CEP128: variants seen among roughly 807,000 people sequenced by gnomAD.
CEP128 encodes centrosomal protein 128kDa.
A neutral mutation model predicts 156.7 loss-of-function variants in CEP128; 132 were observed. The observed-to-expected ratio is 0.84, with a 90% CI of 0.73 to 0.97. The LOEUF (loss-of-function observed/expected upper bound fraction) is 0.97. Ranked by LOEUF, CEP128 falls within the 50% of genes least tolerant of loss-of-function variation. The pLI, the probability that CEP128 is intolerant of heterozygous loss-of-function variation, is 0.00. For synonymous variants in CEP128, 469 were observed against 448.9 expected, an observed-to-expected ratio of 1.04 and a Z score of -0.57; for missense variants, 1,252 against 1,281.9, an observed-to-expected ratio of 0.98 and a Z score of 0.36.
At chr14:80,578,292 G>A (rs1269417681) in intron 20 of CEP128, among the ~76,000 whole-genome samples, 1 of 152,110 alleles carries the variant, frequency 6.6e-6, no homozygotes, top group Admixed American at 6.6e-5. Flanking sequence ...TGTTCAATGA[G>A]TAAATGGAGT....
intron 6 of CEP128, among the ~76,000 whole-genome samples, chr14:80,491,453 C>G (rs534996956): frequency 1.3e-5 from 2 of 152,254 alleles, no homozygotes; most frequent in South Asian, 4.2e-4. Flanking sequence ...CTAGGTTTCT[C>G]CAAACCTCTT....
intron 19 of CEP128, among the ~76,000 whole-genome samples, chr14:80,740,710 T>C (rs1192263190): frequency 2.6e-5 from 4 of 152,212 alleles, no homozygotes; most frequent in East Asian, 1.9e-4. Flanking sequence ...CTCTTACCTG[T>C]AGTACTTTCC....
intron 23 of CEP128, among the ~76,000 whole-genome samples, chr14:80,513,960 CT>C: frequency 6.6e-6 from 1 of 152,198 alleles, no homozygotes; most frequent in East Asian, 1.9e-4. Context: ...AGCCTAGCAC[CT>C]TTTAACGATC....
intron 19 of CEP128, among the ~76,000 whole-genome samples, chr14:80,593,954 CAG>C (rs1892202736): frequency 6.6e-6 from 1 of 152,204 alleles, no homozygotes; most frequent in Non-Finnish European, 1.5e-5. Context: ...ACTTTCTTCA[CAG>C]AGTTAGAAAA....
intron 19 of CEP128, among the ~76,000 whole-genome samples, chr14:80,668,712 G>C (rs1895724726): frequency 6.6e-6 from 1 of 152,156 alleles, no homozygotes; most frequent in Non-Finnish European, 1.5e-5. Flanking sequence ...GCCTGAAATA[G>C]AAGATGGGTG....
chr14:80,591,187 G>A (rs1892048242), intron 19 of CEP128, among the ~76,000 whole-genome samples: 1 of 152,066 alleles, frequency 6.6e-6, no homozygotes, highest in Non-Finnish European at 1.5e-5. Flanking sequence ...TGGGCTAAAT[G>A]TCCCAATTAA....
chr14:80,531,531 A>G (rs969701450), intron 21 of CEP128, among the ~76,000 whole-genome samples: 4 of 152,206 alleles, frequency 2.6e-5, no homozygotes, highest in Non-Finnish European at 5.9e-5. Flanking sequence ...AATTATTTCA[A>G]AGCAAACATA....
chr14:80,626,244 C>T (rs1311164153), intron 19 of CEP128, among the ~76,000 whole-genome samples: 2 of 150,578 alleles, frequency 1.3e-5, no homozygotes, highest in Non-Finnish European at 3.0e-5. Flanking sequence ...GCGGGTGGAT[C>T]ATGAGGTCAG....
chr14:80,567,458 T>C (rs1428166517), intron 20 of CEP128, among the ~76,000 whole-genome samples: 4 of 152,306 alleles, frequency 2.6e-5, no homozygotes, highest in Middle Eastern at 3.4e-3. Context: ...AAAATCCCTA[T>C]ACATACTTCT....
intron 1 of CEP128, among the ~76,000 whole-genome samples, chr14:80,940,193 A>G (rs1015943160): frequency 3.9e-5 from 6 of 152,234 alleles, no homozygotes; most frequent in Non-Finnish European, 7.3e-5. Flanking sequence ...ATTCTGAAAA[A>G]GTTAATCAAA....
intron 19 of CEP128, among the ~76,000 whole-genome samples, chr14:80,632,097 T>C (rs888599005): frequency 8.5e-5 from 13 of 152,092 alleles, no homozygotes; most frequent in African/African-American, 2.4e-4. Context: ...TAAAATTATA[T>C]ACCTGAAAAG....
At chr14:80,766,017 C>T (rs1044235082) in intron 16 of CEP128, among the ~76,000 whole-genome samples, 5 of 151,902 alleles carry the variant, frequency 3.3e-5, no homozygotes, top group East Asian at 1.9e-4. Context: ...CTGAATGAGC[C>T]TTATCATAAA....
At position 80,777,949 on chromosome 14, in the gene CEP128, TGG is replaced by T; in HGVS notation, c.2307_2308del (p.Gln770GlufsTer2). ...CAGTTTTTTGTTCTCATTTTCATTC[TGG>T]GTTAATTCCTCTGTCAGTCTGTCAC... is the stretch of plus-strand genomic sequence containing the variant. On this transcript the variant is annotated frameshift_variant, in exon 16 of 25. Coordinates refer to ENST00000555265, the MANE Select transcript of CEP128 (RefSeq NM_152446.5). LOFTEE classifies it high-confidence loss of function. 2 of 1,613,046 alleles carry T rather than the reference TGG, an allele frequency of 1.2e-6. No individual in the cohort carries two copies. The highest frequency in any genetic ancestry group is 1.7e-6 in the Non-Finnish European group (2 of 1,179,258).
At chr14:80,489,356 C>T (rs1015490854), downstream of CEP128, among the ~76,000 whole-genome samples, 6 of 150,082 alleles carry the variant, frequency 4.0e-5, no homozygotes, top group African/African-American at 4.9e-5. Flanking sequence ...AATTGCATTA[C>T]GAAAAGGATA....
At chr14:80,479,813 G>A (rs190684786) in intron 14 of CEP128, among the ~76,000 whole-genome samples, 5 of 152,254 alleles carry the variant, frequency 3.3e-5, no homozygotes, top group African/African-American at 9.6e-5. Context: ...CCCCTTACAC[G>A]TATGAGCCTG....
intron 19 of CEP128, among the ~76,000 whole-genome samples, chr14:80,636,825 A>C (rs1275877322): frequency 6.6e-6 from 1 of 152,098 alleles, no homozygotes; most frequent in Non-Finnish European, 1.5e-5. Flanking sequence ...GGTGGCTCAC[A>C]CCTGTAATCC....
At chr14:80,730,110 T>C (rs1464173473) in intron 19 of CEP128, among the ~76,000 whole-genome samples, 1 of 152,208 alleles carries the variant, frequency 6.6e-6, no homozygotes, top group Non-Finnish European at 1.5e-5. Context: ...CTTATTTCAA[T>C]ATGAGCTTAC....
chr14:80,818,985 T>C (rs1279169027), intron 13 of CEP128, among the ~76,000 whole-genome samples: 2 of 152,230 alleles, frequency 1.3e-5, no homozygotes, highest in Admixed American at 1.3e-4. Context: ...GAGTTCCCAC[T>C]GTCCTAATCC....
intron 8 of CEP128, among the ~76,000 whole-genome samples, chr14:80,885,016 C>A (rs1021946532): frequency 6.6e-6 from 1 of 152,274 alleles, no homozygotes; most frequent in Non-Finnish European, 1.5e-5. Flanking sequence ...ATAGTGTTAA[C>A]CTTGACTGTG....
Sources: allele counts gnomAD v4.1 joint callset (sites outside exome capture counted in the v4.1 genomes callset), GRCh38; gene constraint gnomAD v4.1.1; transcripts MANE v1.5; gene names NCBI Gene and HGNC (gene_info 2026-07-23, HGNC 2026-07-21).